Variants in EML6 observed in about 807,000 individuals in gnomAD.
EML6 encodes the protein EMAP like 6.
In EML6, 154 loss-of-function variants were observed where a neutral mutation model predicts 240.1. The observed-to-expected ratio is 0.64, with a 90% confidence interval of 0.56 to 0.73. EML6 has a LOEUF of 0.73. EML6 is among the 30% of genes least tolerant of loss of function. The pLI is 0.00. For missense variants in EML6, 2,964 were observed against 2,474.6 expected, an observed-to-expected ratio of 1.20 and a Z score of -4.20; for synonymous variants, 1,148 against 899.0, an observed-to-expected ratio of 1.28 and a Z score of -4.95.
intron 2 of EML6, among the ~76,000 whole-genome samples, chr2:54,779,847 C>A (rs565600880): frequency 5.5e-4 from 73 of 132,968 alleles, no homozygotes; most frequent in Admixed American, 1.6e-3. Flanking sequence ...GGGTGACAGA[C>A]CCAGTCTCAA....
intron 2 of EML6, among the ~76,000 whole-genome samples, chr2:54,737,255 C>T (rs1039568722): frequency 2.0e-5 from 3 of 152,094 alleles, no homozygotes; most frequent in East Asian, 1.9e-4. Flanking sequence ...GGTTCAGTAA[C>T]GATGACAGCA....
chr2:54,837,072 T>G (rs1455749873), intron 7 of EML6, among the ~76,000 whole-genome samples: 1 of 152,048 alleles, frequency 6.6e-6, no homozygotes, highest in Non-Finnish European at 1.5e-5. Context: ...TAAGTTTGGG[T>G]GAAATTACTC....
intron 21 of EML6, among the ~76,000 whole-genome samples, chr2:54,896,227 A>G (rs1465918399): frequency 6.6e-6 from 1 of 152,162 alleles, no homozygotes; most frequent in African/African-American, 2.4e-5. Flanking sequence ...CAGGTGTGGA[A>G]GAAGTGCCTT....
intron 17 of EML6, among the ~76,000 whole-genome samples, chr2:54,884,300 C>T (rs1672003838): frequency 1.3e-5 from 2 of 152,146 alleles, no homozygotes; most frequent in Non-Finnish European, 1.5e-5. Flanking sequence ...CATGGCCTCC[C>T]TGGGTGCACC....
intron 11 of EML6, among the ~76,000 whole-genome samples, chr2:54,854,752 A>T (rs1003400479): frequency 1.1e-4 from 17 of 152,280 alleles, no homozygotes; most frequent in African/African-American, 3.9e-4. Flanking sequence ...TCACTGAAAC[A>T]TCACAAAATG....
At position 54,876,337 on chromosome 2, in the gene EML6, T is replaced by TC. The variant is rs147539688; in HGVS notation, c.2345-3207dup. ...CCCGCAGAACTCGGGGAAGTCACCA[T>TC]CCCAAAAAAGAGGTATGGCTGTTGA... is the stretch of plus-strand genomic sequence containing the variant. On this transcript the variant is annotated intron_variant, in intron 16 of 41. Coordinates refer to ENST00000356458, the MANE Select transcript of EML6 (RefSeq NM_001039753.4). 3.4e-3 allele frequency among the ~76,000 whole-genome samples: 513 copies of TC among 152,232 alleles called. 3 individuals carry two copies. Among genetic ancestry groups the TC allele is most frequent in the African/African-American group, 0.012 (495 of 41,532 alleles).
At chr2:54,795,288 G>C (rs990849034) in intron 2 of EML6, among the ~76,000 whole-genome samples, 1 of 152,168 alleles carries the variant, frequency 6.6e-6, no homozygotes, top group Non-Finnish European at 1.5e-5. Flanking sequence ...TGTCTCACAT[G>C]TGGCAGGAGA....
chr2:54,836,207 T>C (rs1450359202), intron 7 of EML6, among the ~76,000 whole-genome samples: 1 of 152,206 alleles, frequency 6.6e-6, no homozygotes, highest in Admixed American at 6.5e-5. Context: ...GTCAGAGGGC[T>C]GCTGGCCTGG....
intron 28 of EML6, among the ~76,000 whole-genome samples, chr2:54,934,505 T>A (rs1450533186): frequency 1.3e-5 from 2 of 152,048 alleles, no homozygotes; most frequent in Non-Finnish European, 2.9e-5. Flanking sequence ...TGGCCTAAGA[T>A]TTGGAGTTAT....
intron 2 of EML6, among the ~76,000 whole-genome samples, chr2:54,775,836 A>C (rs1353414796): frequency 6.6e-6 from 1 of 152,186 alleles, no homozygotes; most frequent in Non-Finnish European, 1.5e-5. Context: ...AAGATGCAAT[A>C]AAAATTATAG....
intron 11 of EML6, among the ~76,000 whole-genome samples, chr2:54,856,926 A>G (rs897775804): frequency 2.6e-5 from 4 of 152,184 alleles, no homozygotes; most frequent in African/African-American, 7.2e-5. Flanking sequence ...CAAAGATACT[A>G]GGAAGAGATA....
At chr2:54,793,007 A>C (rs558093786) in intron 2 of EML6, among the ~76,000 whole-genome samples, 1 of 152,320 alleles carries the variant, frequency 6.6e-6, no homozygotes, top group South Asian at 2.1e-4. Flanking sequence ...GTGGCTCTCA[A>C]CTATAATCTC....
chr2:54,815,380 T>C (rs1023473530), intron 3 of EML6, among the ~76,000 whole-genome samples: 2 of 152,184 alleles, frequency 1.3e-5, no homozygotes, highest in Admixed American at 6.5e-5. Flanking sequence ...TCGAATGATA[T>C]TTAGAAATGA....
At chr2:54,822,436 C>T (rs1165923970) in intron 5 of EML6, among the ~76,000 whole-genome samples, 1 of 152,148 alleles carries the variant, frequency 6.6e-6, no homozygotes, top group Non-Finnish European at 1.5e-5. Flanking sequence ...TGACTCATTG[C>T]TGAGTAACTT....
At chr2:54,960,429 T>A in intron 35 of EML6, 95 bp downstream of exon 35, 1 of 884,288 alleles carries the variant, frequency 1.1e-6, no homozygotes. Context: ...GTTTGTTTAC[T>A]CCTTGAAACA....
Position 54,787,338 on chromosome 2 carries a change from A to G in EML6, c.198-25894A>G, listed in dbSNP as rs182583018. Among the ~76,000 whole-genome samples the G allele has an allele frequency of 5.8e-4, 89 of 152,266 alleles. 1 individual carries two copies. Among genetic ancestry groups the G allele is most frequent in the African/African-American group, 1.6e-3 (68 of 41,534 alleles). On this transcript the variant is annotated intron_variant, in intron 2 of 41. Transcript: ENST00000356458. ...TGAACCCAGATGTCAGTTTTTAATG[A>G]GAATTTCAAGTATTTATATTTTAAA...
chr2:54,803,807 C>T (rs563347903), intron 2 of EML6, among the ~76,000 whole-genome samples: 22 of 152,294 alleles, frequency 1.4e-4, no homozygotes, highest in African/African-American at 5.3e-4. Flanking sequence ...AATTCTCCTC[C>T]TCTTAGAGTG....
chr2:54,826,198 C>G (rs554851520), intron 5 of EML6, among the ~76,000 whole-genome samples: 6 of 152,304 alleles, frequency 3.9e-5, no homozygotes, highest in African/African-American at 1.4e-4. Flanking sequence ...TCCCTCCCCT[C>G]CAGATGGAGA....
At chr2:54,965,746 G>A (rs185647752) in intron 38 of EML6, among the ~76,000 whole-genome samples, 20 of 152,234 alleles carry the variant, frequency 1.3e-4, no homozygotes, top group South Asian at 8.3e-4. Context: ...TCAAGTGCAC[G>A]GTCTGCAAAA....
Sources: gnomAD v4.1 joint callset for allele counts (sites outside exome capture counted in the v4.1 genomes callset) on GRCh38, gnomAD v4.1.1 for gene constraint, MANE v1.5 for transcripts, NCBI Gene and HGNC (gene_info 2026-07-23, HGNC 2026-07-21) for gene names.